The following YTHDC2 variants were observed in gnomAD, a reference collection of about 807,000 sequenced individuals.
YTHDC2 encodes the protein 3'-5' RNA helicase YTHDC2.
A neutral mutation model predicts 174.9 loss-of-function variants in YTHDC2; 45 were observed. The ratio of observed to expected loss-of-function variants is 0.26; its 90% CI spans 0.20 to 0.33. The LOEUF (loss-of-function observed/expected upper bound fraction) is 0.33. YTHDC2 is among the 10% of genes least tolerant of loss of function. The pLI is 1.00. For missense variants in YTHDC2, 1,650 were observed against 1,723.7 expected, an observed-to-expected ratio of 0.96 and a Z score of 0.76; for synonymous variants, 657 against 574.5, an observed-to-expected ratio of 1.14 and a Z score of -2.05.
chr5:113,590,986 C>T, intron 26 of YTHDC2, 55 bp from the exon 27 acceptor site: 1 of 1,461,994 alleles, frequency 6.8e-7, no homozygotes, highest in Non-Finnish European at 9.4e-7. Flanking sequence ...TTAATGGAGC[C>T]TCTTGGTTTT....
At chr5:113,580,200 C>T (rs1467316325) in intron 24 of YTHDC2, among the ~76,000 whole-genome samples, 2 of 152,126 alleles carry the variant, frequency 1.3e-5, no homozygotes, top group Non-Finnish European at 2.9e-5. Flanking sequence ...AAGGCCAACA[C>T]CTCCCATTAC....
intron 12 of YTHDC2, among the ~76,000 whole-genome samples, chr5:113,550,121 A>G (rs1236586503): frequency 6.6e-6 from 1 of 150,734 alleles, no homozygotes; most frequent in African/African-American, 2.4e-5. Context: ...GGGGGAGAAA[A>G]AAAAAACGGG....
intron 2 of YTHDC2, among the ~76,000 whole-genome samples, chr5:113,518,717 G>T (rs1324541943): frequency 6.6e-6 from 1 of 151,646 alleles, no homozygotes; most frequent in Non-Finnish European, 1.5e-5. Context: ...CTCTTATTTG[G>T]GCTTTTTATA....
chr5:113,568,550 G>T (rs1261888356), intron 23 of YTHDC2, among the ~76,000 whole-genome samples: 4 of 152,106 alleles, frequency 2.6e-5, no homozygotes, highest in Admixed American at 2.6e-4. Flanking sequence ...GTAGGCCCCA[G>T]TGTGTGTTGT....
intron 26 of YTHDC2, among the ~76,000 whole-genome samples, chr5:113,590,612 G>A (rs1197180838): frequency 6.6e-6 from 1 of 152,210 alleles, no homozygotes; most frequent in African/African-American, 2.4e-5. Context: ...GCCATGCACA[G>A]TAGCCACTTC....
In YTHDC2 at chr5:113,516,891, G is replaced by A. The variant is rs551019373; in HGVS notation, c.278+1529G>A. ...GACACGGGATTTAGTTTAGGTGAAT[G>A]TGCGTTTTGAACATCACTAAGGCCA... On this transcript the variant is annotated intron_variant, in intron 2 of 29. Transcript: ENST00000161863. 3.5e-4 allele frequency among the ~76,000 whole-genome samples: 53 copies of A among 152,314 alleles called. No individual in the cohort carries two copies. In the Middle Eastern group the frequency reaches 0.01, roughly 29 times the overall value.
At chr5:113,588,396 A>T (rs1254757460) in intron 26 of YTHDC2, among the ~76,000 whole-genome samples, 2 of 151,948 alleles carry the variant, frequency 1.3e-5, no homozygotes, top group African/African-American at 4.8e-5. Context: ...TAATTTTGTT[A>T]AATGAGGGAT....
At chr5:113,589,408 A>AAAAAAATATATATATAT (rs368975720) in intron 26 of YTHDC2, among the ~76,000 whole-genome samples, 1 of 123,262 alleles carries the variant, frequency 8.1e-6, no homozygotes, top group African/African-American at 3.4e-5. Flanking sequence ...AAAAAAAAAA[A>AAAAAAATATATATATAT]ATATATATAT....
rs756951315 is a variant in YTHDC2 at position 113,561,105 on chromosome 5, T to A, written c.2242T>A (p.Cys748Ser). ...GGCAGGGCGATGTAGACCTGGAATT[T>A]GTTTTCGTCTGTTCAGTAGACTCCG... ...GRAGRCRPGICFRLFSRLRFQ... is the reference protein window; with the variant it reads ...GRAGRCRPGISFRLFSRLRFQ... Residue 748 changes from cysteine (C) to serine (S), a missense_variant, in exon 18 of 30, where the codon TGT (cysteine) becomes AGT (serine). This residue lies in a region of YTHDC2 where 913 missense variants were observed against 940.4 expected (regional missense o/e 0.97). Transcript: ENST00000161863. 2 of 1,608,908 alleles carry A rather than the reference T, an allele frequency of 1.2e-6. No individual in the cohort carries two copies. The highest frequency in any genetic ancestry group is 1.7e-6 in the Non-Finnish European group (2 of 1,176,966).
intron 22 of YTHDC2, 143 bp from the exon 23 acceptor site, chr5:113,567,511 A>G (rs1238754091): frequency 7.0e-6 from 5 of 718,148 alleles, no homozygotes; most frequent in Non-Finnish European, 1.0e-5. Flanking sequence ...TACGAACTAC[A>G]TGAGCGATGA....
intron 5 of YTHDC2, among the ~76,000 whole-genome samples, chr5:113,533,614 T>A (rs1377974000): frequency 6.6e-6 from 1 of 152,092 alleles, no homozygotes; most frequent in Non-Finnish European, 1.5e-5. Context: ...TGAGCCTCAG[T>A]GTTCTTATCT....
intron 23 of YTHDC2, among the ~76,000 whole-genome samples, chr5:113,572,122 G>A (rs377511770): frequency 4.5e-4 from 68 of 152,144 alleles, no homozygotes; most frequent in African/African-American, 8.4e-4. Context: ...ATGAATTTCC[G>A]TCTTAACACT....
rs758162743 is a variant in YTHDC2 at position 113,593,363 on chromosome 5, G to GA, written c.4280dup (p.Asn1427LysfsTer4). On this transcript the variant is annotated frameshift_variant, in exon 29 of 30. Coordinates refer to ENST00000161863, the MANE Select transcript of YTHDC2 (RefSeq NM_022828.5). LOFTEE classifies it high-confidence loss of function. ...GTTATGGGAACGTCTTCCCTTGGGAGAAAAAAACACAACTGATTGACACTC... is the reference window on the plus strand; with the variant it reads ...GTTATGGGAACGTCTTCCCTTGGGAGAAAAAAAACACAACTGATTGACACTC... 13 of 1,612,398 alleles carry GA rather than the reference G, an allele frequency of 8.1e-6. No individual in the cohort carries two copies. The highest frequency in any genetic ancestry group is 1.0e-5 in the Non-Finnish European group (12 of 1,178,966).
At chr5:113,584,073 T>G in intron 25 of YTHDC2, 1 of 336,870 alleles carries the variant, frequency 3.0e-6, no homozygotes, top group Non-Finnish European at 5.3e-6. Flanking sequence ...TTCCAATAAG[T>G]TACGAGGCTT....
intron 4 of YTHDC2, among the ~76,000 whole-genome samples, 158 bp from the exon 5 acceptor site, chr5:113,532,721 T>G (rs779269026): frequency 6.6e-6 from 1 of 152,254 alleles, no homozygotes; most frequent in African/African-American, 2.4e-5. Context: ...CAAATTACAT[T>G]TTTTAGCTGA....
In YTHDC2 at chr5:113,565,893, G is replaced by A; in HGVS notation, c.2716G>A (p.Ala906Thr). The A allele has an allele frequency of 6.2e-7, 1 of 1,610,786 alleles. No homozygotes were observed. The highest frequency in any genetic ancestry group is 8.5e-7 in the Non-Finnish European group (1 of 1,178,718). Reference protein sequence around the residue: ...DHMALLRAFQAWQKARSDGWE... With the variant: ...DHMALLRAFQTWQKARSDGWE... ...TTATGCAATTATTCTCTTTTTATAG[G>A]CCTGGCAAAAAGCACGAAGTGATGG... The change falls in exon 21 of 30, where the codon GCC becomes ACC. Residue 906 changes from alanine (A) to threonine (T), a missense_variant and splice_region_variant. Transcript: ENST00000161863.
At position 113,539,075 on chromosome 5, in the gene YTHDC2, A is replaced by G; in HGVS notation, c.1104A>G (p.Ile368Met). Residue 368 changes from isoleucine to methionine, a missense_variant and splice_region_variant, in exon 8 of 30, where the codon ATA (isoleucine) becomes ATG (methionine). This residue lies in a region of YTHDC2 where 411 missense variants were observed against 380.6 expected (regional missense o/e 1.08). Coordinates refer to ENST00000161863, the MANE Select transcript of YTHDC2 (RefSeq NM_022828.5). ...ATTTAATTTTTTTTTATTATTTAGT[A>G]CAGGGAAGACCATTTGAAGTAAAAG... ...RYFGSCPVIY[I>M]QGRPFEVKEM... is the part of the protein sequence containing the mutation. 2.2e-6 allele frequency: 3 copies of G among 1,378,454 alleles called. No individual in the cohort carries two copies. The South Asian group carries it at 4.4e-5, about 20-fold the overall frequency. The allele number at this position is 1,378,454 out of a possible 1,614,324, so 85.4% of individuals were successfully genotyped here. A position where few individuals can be genotyped will look rare whatever the true frequency, so the allele number is the denominator to read the frequency against.
chr5:113,518,250 G>T (rs1190492238), intron 2 of YTHDC2, among the ~76,000 whole-genome samples: 1 of 148,150 alleles, frequency 6.7e-6, no homozygotes, highest in African/African-American at 2.5e-5. Flanking sequence ...CTTTAGTGCA[G>T]TGGAATGATG....
chr5:113,524,735 A>C (rs1422432031), intron 2 of YTHDC2, among the ~76,000 whole-genome samples: 1 of 152,150 alleles, frequency 6.6e-6, no homozygotes. Context: ...ACTTAAGGGT[A>C]AGTAAGCCTT....
Sources: allele counts gnomAD v4.1 joint callset (sites outside exome capture counted in the v4.1 genomes callset), GRCh38; gene constraint gnomAD v4.1.1; regional missense constraint gnomAD v4.1.1; transcripts MANE v1.5; gene names NCBI Gene and HGNC (gene_info 2026-07-23, HGNC 2026-07-21).